Variants in KCNMA1 observed in about 807,000 individuals in gnomAD.
KCNMA1 encodes potassium calcium-activated channel subfamily M alpha 1.
Under a neutral mutation model 140.0 loss-of-function variants are expected in KCNMA1, and 29 were observed. The ratio of observed to expected loss-of-function variants is 0.21; its 90% CI spans 0.15 to 0.28. The LOEUF (loss-of-function observed/expected upper bound fraction) is 0.28. Among genes scored for constraint, KCNMA1 ranks in the 10% least tolerant of loss-of-function variants. The pLI is 1.00. For synonymous variants in KCNMA1, 612 were observed against 611.9 expected (o/e 1.00, Z 0.00); for missense variants, 880 against 1,602.2 (o/e 0.55, Z 7.70).
intron 3 of KCNMA1, among the ~76,000 whole-genome samples, chr10:77,245,344 TAC>T (rs2058319991): frequency 6.6e-6 from 1 of 152,298 alleles, no homozygotes; most frequent in East Asian, 1.9e-4. Flanking sequence ...AAAGCTGGTA[TAC>T]ACAGTCCTTT....
downstream of KCNMA1, chr10:76,874,418 A>G (rs565181350): frequency 6.6e-6 from 1 of 152,180 alleles, no homozygotes; most frequent in East Asian, 1.9e-4. Context: ...CCTGAAAGAG[A>G]CCTTAGAGTC....
At chr10:77,489,050 G>A (rs2098500188) in intron 1 of KCNMA1, among the ~76,000 whole-genome samples, 1 of 152,128 alleles carries the variant, frequency 6.6e-6, no homozygotes. Flanking sequence ...GGCAGAGGGG[G>A]TCATAAGGGT....
chr10:77,045,376 A>C (rs2094981720), intron 14 of KCNMA1, among the ~76,000 whole-genome samples: 1 of 152,226 alleles, frequency 6.6e-6, no homozygotes, highest in African/African-American at 2.4e-5. Flanking sequence ...GCGCCTAGCA[A>C]AGATGAGCAG....
At chr10:77,346,314 T>G (rs750499172) in intron 2 of KCNMA1, among the ~76,000 whole-genome samples, 2 of 152,166 alleles carry the variant, frequency 1.3e-5, no homozygotes, top group African/African-American at 4.8e-5. Flanking sequence ...ACAACCCACC[T>G]TGGTTCTTCC....
rs138768939 is a variant in KCNMA1, at chr10:77,401,828, C to T, written c.540+2034G>A. On this transcript the variant is annotated intron_variant, in intron 2 of 27. Transcript: ENST00000286628. ...ATGAAAGCTTTTCTGATCAGCCCTA[C>T]TTTCCCCTACAGCCCCTCCCCACAC... is the stretch of plus-strand genomic sequence containing the variant. 3.4e-3 allele frequency among the ~76,000 whole-genome samples: 522 copies of T among 152,302 alleles called. 6 individuals are homozygous for T. The highest frequency in any genetic ancestry group is 0.012 in the African/African-American group (494 of 41,564).
At chr10:77,239,060 A>G (rs146228554) in intron 3 of KCNMA1, among the ~76,000 whole-genome samples, 1 of 152,300 alleles carries the variant, frequency 6.6e-6, no homozygotes, top group East Asian at 1.9e-4. Context: ...CTCACCTCGT[A>G]CCTGATAACA....
intron 2 of KCNMA1, among the ~76,000 whole-genome samples, chr10:77,379,955 G>A (rs959892914): frequency 4.6e-5 from 7 of 152,136 alleles, no homozygotes; most frequent in African/African-American, 1.7e-4. Context: ...GATGAATGCG[G>A]TACCTACTCT....
At chr10:77,263,349 G>A (rs1030810090) in intron 2 of KCNMA1, among the ~76,000 whole-genome samples, 1 of 152,062 alleles carries the variant, frequency 6.6e-6, no homozygotes, top group African/African-American at 2.4e-5. Flanking sequence ...ACCTTATTTT[G>A]TCTTTCGGTA....
chr10:77,314,737 T>C (rs2080289049), intron 2 of KCNMA1, among the ~76,000 whole-genome samples: 1 of 152,046 alleles, frequency 6.6e-6, no homozygotes, highest in Non-Finnish European at 1.5e-5. Context: ...CCAACTCTCT[T>C]CCTAAAAGCT....
At chr10:76,961,548 A>C (rs1185303736) in intron 20 of KCNMA1, among the ~76,000 whole-genome samples, 1 of 152,248 alleles carries the variant, frequency 6.6e-6, no homozygotes, top group Non-Finnish European at 1.5e-5. Context: ...CAATTTTGAA[A>C]GAAGTTCTAC....
At chr10:77,546,304 A>G (rs2061443944) in intron 1 of KCNMA1, among the ~76,000 whole-genome samples, 1 of 151,486 alleles carries the variant, frequency 6.6e-6, no homozygotes, top group Admixed American at 6.6e-5. Context: ...CTGAATTCCC[A>G]GCTCACTGCC....
At chr10:77,198,149 C>G (rs1335565713) in intron 3 of KCNMA1, among the ~76,000 whole-genome samples, 4 of 152,110 alleles carry the variant, frequency 2.6e-5, no homozygotes, top group Admixed American at 6.6e-5. Context: ...AACAAGGCAT[C>G]AGTTACATAA....
At chr10:77,143,963 A>G (rs1449381514) in intron 5 of KCNMA1, among the ~76,000 whole-genome samples, 1 of 152,192 alleles carries the variant, frequency 6.6e-6, no homozygotes, top group African/African-American at 2.4e-5. Context: ...GCACCCTCAC[A>G]CGTTGCTAGT....
At chr10:77,067,675 G>A (rs956985298) in intron 14 of KCNMA1, among the ~76,000 whole-genome samples, 1 of 152,164 alleles carries the variant, frequency 6.6e-6, no homozygotes, top group African/African-American at 2.4e-5. Flanking sequence ...TCCCTTCTTG[G>A]GAGCCTAGTT....
intron 3 of KCNMA1, among the ~76,000 whole-genome samples, chr10:77,186,605 G>C (rs2098856844): frequency 6.6e-6 from 1 of 152,114 alleles, no homozygotes; most frequent in Admixed American, 6.5e-5. Context: ...CTCAGGCCAT[G>C]GGGGTGCTTG....
intron 7 of KCNMA1, 121 bp from the exon 8 acceptor site, chr10:77,110,464 G>T: frequency 2.4e-6 from 2 of 841,992 alleles, no homozygotes; most frequent in Non-Finnish European, 4.1e-6. Context: ...CTCTCCACAC[G>T]AGATGTGTGG....
chr10:77,473,233 T>C (rs1276934349), intron 1 of KCNMA1, among the ~76,000 whole-genome samples: 1 of 152,186 alleles, frequency 6.6e-6, no homozygotes, highest in Admixed American at 6.5e-5. Flanking sequence ...CTGGCCAACT[T>C]TCATCTCAAC....
At chr10:77,277,691 T>A (rs755457446) in intron 2 of KCNMA1, among the ~76,000 whole-genome samples, 16 of 152,176 alleles carry the variant, frequency 1.1e-4, no homozygotes, top group Non-Finnish European at 2.1e-4. Flanking sequence ...ATGCAACAGA[T>A]CACATTTCTC....
chr10:77,121,474 A>G (rs935283325), intron 5 of KCNMA1, among the ~76,000 whole-genome samples: 3 of 152,060 alleles, frequency 2.0e-5, no homozygotes, highest in African/African-American at 7.2e-5. Flanking sequence ...TATGTCTTTG[A>G]TGGATTTTAT....
Sources: allele counts gnomAD v4.1 joint callset (sites outside exome capture counted in the v4.1 genomes callset), GRCh38; gene constraint gnomAD v4.1.1; transcripts MANE v1.5; gene names NCBI Gene and HGNC (gene_info 2026-07-23, HGNC 2026-07-21).